The following SH3BP2 variants were observed in gnomAD, a reference collection of about 807,000 sequenced individuals.
SH3BP2 encodes SH3 domain-binding protein 2.
In SH3BP2, 38 loss-of-function variants were observed where a neutral mutation model predicts 56.2. The ratio of observed to expected loss-of-function variants is 0.68; its 90% CI spans 0.52 to 0.89. The LOEUF is 0.89. Ranked by LOEUF, SH3BP2 falls within the 40% of genes least tolerant of loss-of-function variation. The pLI is 0.00. For missense variants in SH3BP2, 748 were observed against 762.6 expected (o/e 0.98, Z 0.23); for synonymous variants, 346 against 316.7 (o/e 1.09, Z -0.98).
At chr4:2,825,399 C>T (rs149931333) in intron 5 of SH3BP2, among the ~76,000 whole-genome samples, 309 of 151,172 alleles carry the variant, frequency 2.0e-3, no homozygotes, top group Non-Finnish European at 3.4e-3. Flanking sequence ...CACACACAGA[C>T]GAGCGACACG....
At chr4:2,821,196 A>G (rs916887062) in intron 2 of SH3BP2, among the ~76,000 whole-genome samples, 2 of 152,206 alleles carry the variant, frequency 1.3e-5, no homozygotes, top group African/African-American at 4.8e-5. Flanking sequence ...GGGAGGAAGA[A>G]GCAGCCCTCA....
chr4:2,801,619 G>A (rs1723284200), intron 1 of SH3BP2, among the ~76,000 whole-genome samples: 1 of 152,176 alleles, frequency 6.6e-6, no homozygotes, highest in South Asian at 2.1e-4. Context: ...GCCCACCTGT[G>A]CTGGCCTGTG....
Position 2,840,555 on chromosome 4 carries a change from T to A in SH3BP2, c.*6721T>A, listed in dbSNP as rs1725387973. The A allele has an allele frequency of 6.6e-6, 1 of 152,226 alleles. No individual in the cohort carries two copies. The highest frequency in any genetic ancestry group is 2.1e-4 in the South Asian group (1 of 4,834). 9.4% of individuals were successfully genotyped at this position (152,226 alleles called of 1,614,324 possible). ...GATTCTTTCCTCTGTTCCATTAGTC[T>A]GTCTGTTCTTGTGCCAATATCAAGC... On this transcript the variant is annotated 3_prime_UTR_variant, in exon 13 of 13. Transcript: ENST00000503393.
intron 11 of SH3BP2, among the ~76,000 whole-genome samples, 153 bp from the exon 12 acceptor site, chr4:2,832,837 C>G (rs751806470): frequency 1.3e-5 from 2 of 152,188 alleles, no homozygotes; most frequent in African/African-American, 2.4e-5. Context: ...CCCCCGCTGT[C>G]CTTGTGCAGG....
chr4:2,830,082 G>A lies in SH3BP2; in HGVS notation c.1176G>A (p.Val392=). 1.9e-6 allele frequency: 3 copies of A among 1,610,076 alleles called. No individual in the cohort carries two copies. The highest frequency in any genetic ancestry group is 2.5e-6 in the Non-Finnish European group (3 of 1,179,398). The change falls in exon 8 of 13, where the codon GTG becomes GTA. Residue 392 remains valine (V), a synonymous_variant. Coordinates refer to ENST00000503393, the MANE Select transcript of SH3BP2 (RefSeq NM_001122681.2). The stretch of plus-strand genomic sequence containing the variant: ...GGCCTCCTGCGCTGAAGCTGCCAGT[G>A]CCTGAGGCCATGGCGCGGCCCGCAG... ...APRPPALKLP[V]PEAMARPAVL... is the part of the protein sequence containing the mutation.
chr4:2,825,076 G>GGGGCCCACCCTGGTGGCACC (rs1560107022), intron 4 of SH3BP2, 50 bp from the exon 5 acceptor site: 3 of 1,503,554 alleles, frequency 2.0e-6, no homozygotes, highest in South Asian at 1.2e-5. Context: ...GGGGTGCGGT[G>GGGGCCCACCCTGGTGGCACC]GGGCCCACCC....
chr4:2,805,364 C>T (rs73794806), intron 1 of SH3BP2, among the ~76,000 whole-genome samples: 7,834 of 152,248 alleles, frequency 0.051, 383 homozygotes, highest in African/African-American at 0.11. Context: ...TGCAGAGCCC[C>T]TGGAGTGCCC....
Position 2,839,111 on chromosome 4 carries a change from T to C in SH3BP2, c.*5277T>C, listed in dbSNP as rs1725331222. The C allele has an allele frequency of 6.6e-6, 1 of 152,124 alleles. No individual in the cohort carries two copies. The highest frequency in any genetic ancestry group is 1.5e-5 in the Non-Finnish European group (1 of 68,024). 9.4% of individuals were successfully genotyped at this position (152,124 alleles called of 1,614,324 possible). A position where few individuals can be genotyped will look rare whatever the true frequency, so the allele number is the denominator to read the frequency against. ...TTTTATTAACCATTTTGATTTTGTCTCCTGTGAAGTGTCTATCATCTTTTG... is the reference window on the plus strand; with the variant it reads ...TTTTATTAACCATTTTGATTTTGTCCCCTGTGAAGTGTCTATCATCTTTTG... On this transcript the variant is annotated 3_prime_UTR_variant, in exon 13 of 13. Coordinates refer to ENST00000503393, the MANE Select transcript of SH3BP2 (RefSeq NM_001122681.2).
At chr4:2,821,309 G>T (rs1410774754) in intron 2 of SH3BP2, among the ~76,000 whole-genome samples, 1 of 152,250 alleles carries the variant, frequency 6.6e-6, no homozygotes, top group Non-Finnish European at 1.5e-5. Flanking sequence ...CTCTGCCAGG[G>T]ACTCCCTGGT....
At chr4:2,816,242 T>C (rs779106390) in intron 1 of SH3BP2, among the ~76,000 whole-genome samples, 3 of 152,140 alleles carry the variant, frequency 2.0e-5, no homozygotes, top group Non-Finnish European at 4.4e-5. Flanking sequence ...GGTTTCACCA[T>C]GTTGGCCACG....
At chr4:2,796,445 G>A (rs950074564) in intron 1 of SH3BP2, 17 of 985,416 alleles carry the variant, frequency 1.7e-5, no homozygotes, top group Admixed American at 6.1e-5. Flanking sequence ...CACAGATCGT[G>A]CTGGAACTGC....
rs1723714006 is a variant in SH3BP2 at position 2,810,721 on chromosome 4, T to C, written c.-4-9893T>C. Among the ~76,000 whole-genome samples the C allele has an allele frequency of 6.6e-6, 1 of 152,052 alleles. No individual in the cohort carries two copies. Among genetic ancestry groups the C allele is most frequent in the Admixed American group, 6.5e-5 (1 of 15,274 alleles). ...CTCTATCAAAGCTGGGCCCCTCCTC[T>C]GGGAGGCGTTCCCCAGTCCAGAACC... is the stretch of plus-strand genomic sequence containing the variant. On this transcript the variant is annotated intron_variant, in intron 1 of 12. Coordinates refer to ENST00000503393, the MANE Select transcript of SH3BP2 (RefSeq NM_001122681.2). This position sits in a 1 kb window ranked among gnomAD's most constrained non-coding sequence, Gnocchi z 4.2.
chr4:2,832,704 C>G (rs1350080772), intron 11 of SH3BP2, among the ~76,000 whole-genome samples: 1 of 152,196 alleles, frequency 6.6e-6, no homozygotes, highest in East Asian at 1.9e-4. Flanking sequence ...CCAGGTCTGC[C>G]CGTGTCCCTC....
At chr4:2,809,912 C>A in intron 1 of SH3BP2, 1 of 732,698 alleles carries the variant, frequency 1.4e-6, no homozygotes, top group Non-Finnish European at 1.7e-6. Context: ...GGAGCAGCTG[C>A]AACTTGGGAA....
chr4:2,795,420 A>T (rs1336617777), intron 1 of SH3BP2, among the ~76,000 whole-genome samples: 2 of 150,968 alleles, frequency 1.3e-5, no homozygotes, highest in African/African-American at 5.0e-5. Flanking sequence ...TCCTCTCTTG[A>T]CCTCATGATC....
At chr4:2,827,954 G>A (rs1486757652) in intron 7 of SH3BP2, among the ~76,000 whole-genome samples, 1 of 152,194 alleles carries the variant, frequency 6.6e-6, no homozygotes, top group Non-Finnish European at 1.5e-5. Flanking sequence ...TAAGCATGGG[G>A]AAGGAAGGAC....
At chr4:2,808,219 G>A (rs1448864096) in intron 1 of SH3BP2, among the ~76,000 whole-genome samples, 1 of 152,202 alleles carries the variant, frequency 6.6e-6, no homozygotes, top group African/African-American at 2.4e-5. Flanking sequence ...TTCTGCTGGT[G>A]GCCGGCGATC....
chr4:2,809,473 C>T (rs1029129225), intron 1 of SH3BP2, among the ~76,000 whole-genome samples: 10 of 152,216 alleles, frequency 6.6e-5, no homozygotes, highest in Admixed American at 3.3e-4. Flanking sequence ...GCATGTTCAG[C>T]ACCTGAGCCT....
rs563594941 is a variant in SH3BP2, at chr4:2,798,873, C to T, written c.-5+5735C>T. ...CCAGGCCGTGTGACCTGGGCATCCTCCGCCTTCTCTGGGCAGGGCAGGGAC... is the reference window on the plus strand; with the variant it reads ...CCAGGCCGTGTGACCTGGGCATCCTTCGCCTTCTCTGGGCAGGGCAGGGAC... On this transcript the variant is annotated intron_variant, in intron 1 of 12. Coordinates refer to ENST00000503393, the MANE Select transcript of SH3BP2 (RefSeq NM_001122681.2). 851 of 694,926 alleles carry T rather than the reference C, an allele frequency of 1.2e-3. 7 individuals are homozygous for T. The African/African-American group carries it at 0.015, about 13-fold the overall frequency. 43.0% of individuals were successfully genotyped at this position (694,926 alleles called of 1,614,324 possible).
Sources: allele counts gnomAD v4.1 joint callset (sites outside exome capture counted in the v4.1 genomes callset), GRCh38; gene constraint gnomAD v4.1.1; non-coding constraint Gnocchi (gnomAD v3.1); transcripts MANE v1.5; gene names NCBI Gene and HGNC (gene_info 2026-07-23, HGNC 2026-07-21).